FCF1: variants seen among roughly 807,000 people sequenced by gnomAD.
The protein encoded by FCF1 is rRNA-processing protein FCF1 homolog.
Under a neutral mutation model 32.5 loss-of-function variants are expected in FCF1, and 17 were observed. The observed-to-expected ratio is 0.52, with a 90% CI of 0.36 to 0.78. The LOEUF (loss-of-function observed/expected upper bound fraction) is 0.78, where lower values mean the gene tolerates loss of function less well. Among genes scored for constraint, FCF1 ranks in the 30% least tolerant of loss-of-function variants. The probability of loss-of-function intolerance (pLI) is 0.00; values close to 1 mark genes in which losing one functional copy is unlikely to be tolerated. For synonymous variants in FCF1, 84 were observed against 78.4 expected, an observed-to-expected ratio of 1.07 and a Z score of -0.38; for missense variants, 201 against 241.1, an observed-to-expected ratio of 0.83 and a Z score of 1.10.
intron 4 of FCF1, among the ~76,000 whole-genome samples, chr14:74,716,482 A>G (rs549568689): frequency 2.0e-5 from 3 of 152,384 alleles, no homozygotes; most frequent in East Asian, 3.9e-4. Flanking sequence ...TTGAAACACT[A>G]AATAAGACAT....
At chr14:74,732,852 T>TAA in intron 6 of FCF1, 34 bp downstream of exon 6, 107 of 983,442 alleles carry the variant, frequency 1.1e-4, no homozygotes, top group Admixed American at 1.2e-4. Context: ...ACTTTGTGCT[T>TAA]AAAAAAAAAA....
intron 2 of FCF1, 34 bp downstream of exon 2, chr14:74,713,586 C>A (rs1046621228): frequency 3.2e-6 from 5 of 1,559,084 alleles, no homozygotes; most frequent in South Asian, 1.1e-5. Flanking sequence ...CAGGGATATT[C>A]TAATAAGAGT....
At chr14:74,713,405 C>A in intron 1 of FCF1, 80 bp from the exon 2 acceptor site, 1 of 1,535,190 alleles carries the variant, frequency 6.5e-7, no homozygotes, top group Non-Finnish European at 8.9e-7. Context: ...GAAGGGAAGG[C>A]AATAGACAAG....
intron 5 of FCF1, among the ~76,000 whole-genome samples, chr14:74,726,904 A>G (rs1347888997): frequency 1.3e-5 from 2 of 151,760 alleles, no homozygotes; most frequent in African/African-American, 2.4e-5. Context: ...ATGATTTCCA[A>G]TTTCATCCAT....
intron 5 of FCF1, among the ~76,000 whole-genome samples, chr14:74,723,785 G>A (rs1026584472): frequency 6.1e-5 from 9 of 146,768 alleles, no homozygotes; most frequent in African/African-American, 1.0e-4. Flanking sequence ...CCTACATCAC[G>A]CCATTGCACT....
intron 7 of FCF1, among the ~76,000 whole-genome samples, chr14:74,734,371 A>C (rs1594793909): frequency 6.6e-6 from 1 of 151,484 alleles, no homozygotes; most frequent in Non-Finnish European, 1.5e-5. Context: ...AAACATTTAA[A>C]TTGTTAGAGT....
intron 4 of FCF1, 80 bp downstream of exon 4, chr14:74,716,179 G>A: frequency 1.4e-6 from 2 of 1,384,012 alleles, no homozygotes; most frequent in African/African-American, 1.4e-5. Flanking sequence ...GGAGGGAGAT[G>A]GGGTTCTTGT....
At chr14:74,725,795 C>T (rs906932882) in intron 5 of FCF1, among the ~76,000 whole-genome samples, 3 of 151,822 alleles carry the variant, frequency 2.0e-5, no homozygotes, top group Admixed American at 6.6e-5. Flanking sequence ...ATTAGCCAAG[C>T]GTGGTAGTGG....
intron 5 of FCF1, among the ~76,000 whole-genome samples, chr14:74,728,326 T>C (rs2090597661): frequency 2.0e-5 from 3 of 152,110 alleles, no homozygotes; most frequent in Non-Finnish European, 4.4e-5. Context: ...TCACATCCCT[T>C]GTAAGTTGGA....
chr14:74,713,772 A>G (rs2090369865), intron 2 of FCF1, among the ~76,000 whole-genome samples: 1 of 152,134 alleles, frequency 6.6e-6, no homozygotes, highest in African/African-American at 2.4e-5. Flanking sequence ...CACTTTTTCT[A>G]CCGTTATATG....
rs762620870 is a variant in FCF1 at position 74,713,551 on chromosome 14, CTG to C, written c.71+2_71+3del. Reference sequence around the variant, plus strand: ...AATGCTTAGTCTCAGAGATCAGAGGCTGTGAGTGTCTGGAATCAACTGCCCAG... The same window carrying C: ...AATGCTTAGTCTCAGAGATCAGAGGCTGAGTGTCTGGAATCAACTGCCCAG... On this transcript the variant is annotated splice_donor_variant and coding_sequence_variant, in exon 2 of 8. Transcript: ENST00000341162. LOFTEE classifies it high-confidence loss of function. The C allele has an allele frequency of 6.2e-7, 1 of 1,610,842 alleles. No homozygotes were observed.
At chr14:74,717,724 C>T (rs979351456) in intron 4 of FCF1, among the ~76,000 whole-genome samples, 7 of 152,232 alleles carry the variant, frequency 4.6e-5, no homozygotes, top group African/African-American at 1.7e-4. Context: ...CTGTGACCTA[C>T]TTATCAATGA....
Position 74,714,886 on chromosome 14 carries a change from G to T in FCF1, c.86G>T (p.Arg29Ile). 1 of 1,587,666 alleles carries T rather than the reference G, an allele frequency of 6.3e-7. No homozygotes were observed. The highest frequency in any genetic ancestry group is 1.2e-5 in the South Asian group (1 of 85,844). ...TTTCTTCCTAGTAAAGAAAAGGATAGATTAAAACCTAAAAAGAAAGAAAAG... is the reference window on the plus strand; with the variant it reads ...TTTCTTCCTAGTAAAGAAAAGGATATATTAAAACCTAAAAAGAAAGAAAAG... ...LRDQRLKEKD[R>I]LKPKKKEKKD... is the part of the protein sequence containing the mutation. The change falls in exon 3 of 8, where the codon AGA (arginine) becomes ATA (isoleucine). Residue 29 changes from arginine (R) to isoleucine (I), a missense_variant. Around this residue, in one of 3 missense-constraint regions of FCF1, gnomAD observed 76 missense variants for 75.0 expected, o/e 1.01. Coordinates refer to ENST00000341162, the MANE Select transcript of FCF1 (RefSeq NM_015962.5).
chr14:74,722,647 C>T (rs1047742410), intron 4 of FCF1, among the ~76,000 whole-genome samples: 2 of 151,902 alleles, frequency 1.3e-5, no homozygotes, highest in African/African-American at 2.4e-5. Flanking sequence ...AATTTTATTT[C>T]ATCTGAGCCA....
intron 5 of FCF1, among the ~76,000 whole-genome samples, chr14:74,729,882 GGTT>G (rs1166939872): frequency 6.6e-6 from 1 of 152,130 alleles, no homozygotes; most frequent in Non-Finnish European, 1.5e-5. Context: ...TTCAGGAGCA[GGTT>G]GTTCAGTTTC....
chr14:74,731,499 C>G (rs1048786550), intron 5 of FCF1, among the ~76,000 whole-genome samples: 1 of 152,118 alleles, frequency 6.6e-6, no homozygotes, highest in Non-Finnish European at 1.5e-5. Context: ...ATCACTTTGT[C>G]CCCCAGAAAT....
intron 5 of FCF1, among the ~76,000 whole-genome samples, chr14:74,725,525 C>T (rs1286543710): frequency 6.8e-6 from 1 of 146,278 alleles, no homozygotes; most frequent in Non-Finnish European, 1.5e-5. Flanking sequence ...TACAGAAGCT[C>T]ACGTATAATT....
chr14:74,713,278 A>G (rs2090357746), intron 1 of FCF1, 78 bp downstream of exon 1: 2 of 1,613,984 alleles, frequency 1.2e-6, no homozygotes, highest in Admixed American at 1.7e-5. Flanking sequence ...ACCGTGGCCA[A>G]ATTTCCTTCA....
rs145964785 is a variant in FCF1, at chr14:74,726,420, C to T, written c.365+3076C>T. Among the ~76,000 whole-genome samples the T allele has an allele frequency of 3.8e-3, 583 of 151,922 alleles. 1 individual carries two copies. The highest frequency in any genetic ancestry group is 0.01 in the Middle Eastern group (3 of 294). ...GAGGATTGCTTGAGCCAGGGAGGTT[C>T]GAGATCATACCACTGCATTCTAGCC... On this transcript the variant is annotated intron_variant, in intron 5 of 7. Coordinates refer to ENST00000341162, the MANE Select transcript of FCF1 (RefSeq NM_015962.5).
Sources: gnomAD v4.1 joint callset for allele counts (sites outside exome capture counted in the v4.1 genomes callset) on GRCh38, gnomAD v4.1.1 for gene constraint, gnomAD v4.1.1 regional missense constraint, MANE v1.5 for transcripts, NCBI Gene and HGNC (gene_info 2026-07-23, HGNC 2026-07-21) for gene names.